Variants in NGEF observed in about 807,000 individuals in gnomAD.
NGEF encodes ephexin-1.
In NGEF, 31 loss-of-function variants were observed where a neutral mutation model predicts 80.9. The ratio of observed to expected loss-of-function variants is 0.38; its 90% CI spans 0.29 to 0.52. The LOEUF (loss-of-function observed/expected upper bound fraction) is 0.52. NGEF is among the 20% of genes least tolerant of loss of function. The pLI is 0.84. For missense variants in NGEF, 709 were observed against 926.2 expected (o/e 0.77, Z 3.04); for synonymous variants, 371 against 370.2 (o/e 1.00, Z -0.03).
chr2:232,890,423 T>G (rs1000730267), intron 8 of NGEF, among the ~76,000 whole-genome samples: 6 of 152,186 alleles, frequency 3.9e-5, no homozygotes, highest in Non-Finnish European at 8.8e-5. Flanking sequence ...CTCAGGCACC[T>G]TTCTCTCCTT....
intron 3 of NGEF, among the ~76,000 whole-genome samples, chr2:232,944,079 A>G (rs1251815766): frequency 6.6e-6 from 1 of 151,842 alleles, no homozygotes; most frequent in African/African-American, 2.4e-5. Context: ...CTAAAAGTAC[A>G]AAAATTAGCC....
intron 8 of NGEF, among the ~76,000 whole-genome samples, chr2:232,890,339 G>A (rs1691840758): frequency 6.6e-6 from 1 of 152,142 alleles, no homozygotes; most frequent in African/African-American, 2.4e-5. Flanking sequence ...AGTCTCCCAT[G>A]CCTCCAGCTC....
intron 1 of NGEF, among the ~76,000 whole-genome samples, chr2:232,993,238 A>AAATATATATATT (rs1694710768): frequency 2.6e-5 from 1 of 39,018 alleles, no homozygotes; most frequent in African/African-American, 1.3e-4. Flanking sequence ...ATATATATGT[A>AAATATATATATT]TATTTTCAGA....
chr2:232,896,714 GGGTGAGT>G (rs1366637319), intron 5 of NGEF, among the ~76,000 whole-genome samples: 10 of 55,342 alleles, frequency 1.8e-4, no homozygotes, highest in Admixed American at 3.9e-4. Context: ...GTGGGGGTAG[GGGTGAGT>G]GCAAAAGTAG....
At chr2:232,963,189 T>G (rs1693988373) in intron 3 of NGEF, among the ~76,000 whole-genome samples, 1 of 151,958 alleles carries the variant, frequency 6.6e-6, no homozygotes, top group African/African-American at 2.4e-5. Context: ...GGTAGTGGCA[T>G]AAAGATAGAA....
intron 1 of NGEF, among the ~76,000 whole-genome samples, chr2:233,000,673 T>C (rs1200292630): frequency 2.0e-5 from 3 of 149,498 alleles, no homozygotes; most frequent in African/African-American, 5.0e-5. Context: ...GGCAGGAGAA[T>C]GGCGTGAACC....
intron 14 of NGEF, 36 bp from the exon 15 acceptor site, chr2:232,879,715 C>T (rs1371452728): frequency 1.3e-6 from 2 of 1,588,784 alleles, no homozygotes; most frequent in South Asian, 2.2e-5. Flanking sequence ...GGTCAGTGCT[C>T]CTGCAGGGCA....
chr2:232,907,188 G>GAAAAAAAAAAAAAA (rs10654316), intron 5 of NGEF, among the ~76,000 whole-genome samples: 6 of 113,154 alleles, frequency 5.3e-5, no homozygotes, highest in Non-Finnish European at 6.9e-5. Context: ...AGAAAAAAAA[G>GAAAAAAAAAAAAAA]AAAAAAAAAA....
chr2:232,929,747 C>T (rs1203025024), intron 3 of NGEF, among the ~76,000 whole-genome samples: 1 of 152,212 alleles, frequency 6.6e-6, no homozygotes, highest in Non-Finnish European at 1.5e-5. Context: ...GCTGTCCTGG[C>T]TGCTATAACA....
At chr2:233,003,092 A>G (rs1206161896) in intron 1 of NGEF, among the ~76,000 whole-genome samples, 1 of 152,144 alleles carries the variant, frequency 6.6e-6, no homozygotes, top group Non-Finnish European at 1.5e-5. Flanking sequence ...AGTCCTTTTT[A>G]GCTGACACGT....
intron 4 of NGEF, among the ~76,000 whole-genome samples, chr2:232,924,569 A>C (rs1490728314): frequency 6.6e-6 from 1 of 152,206 alleles, no homozygotes; most frequent in East Asian, 1.9e-4. Flanking sequence ...ACTTGAAGAC[A>C]AACTGCCCTT....
chr2:232,929,909 G>C (rs182710497), intron 3 of NGEF, among the ~76,000 whole-genome samples: 1 of 152,256 alleles, frequency 6.6e-6, no homozygotes, highest in African/African-American at 2.4e-5. Context: ...TTGTTCTCCT[G>C]GTAGTGAATA....
chr2:232,956,096 G>C (rs10205922), intron 3 of NGEF, among the ~76,000 whole-genome samples: 7,445 of 152,132 alleles, frequency 0.049, 629 homozygotes, highest in African/African-American at 0.17. Context: ...TTCAGACGCC[G>C]CTCCTTTCCT....
chr2:232,982,358 G>T (rs1207366353), intron 1 of NGEF, among the ~76,000 whole-genome samples: 1 of 152,176 alleles, frequency 6.6e-6, no homozygotes, highest in African/African-American at 2.4e-5. Flanking sequence ...CTACCATCAA[G>T]GGGGCAGGAA....
In NGEF at chr2:232,967,569, A is replaced by T. The variant is rs377279370; in HGVS notation, c.383+2645T>A. ...AGGCTAGTCTTGAACTCCTGACCTC[A>T]TGTGATCCTCCTACCTCTTCCTCCC... On this transcript the variant is annotated intron_variant, in intron 3 of 14. Transcript: ENST00000264051. 2.6e-5 allele frequency among the ~76,000 whole-genome samples: 4 copies of T among 152,234 alleles called. No individual in the cohort carries two copies. In the East Asian group the frequency reaches 7.7e-4, roughly 29 times the overall value.
rs1691492672 is a variant in NGEF at position 232,881,214 on chromosome 2, G to C, written c.1874C>G (p.Ala625Gly). ...PQVQCVHPYV[A>G]QQPDELTLEL... ...CAGCGTCAGCTCGTCTGGCTGCTGA[G>C]CCACGTATGGGTGCACGCACTGGAC... Residue 625 changes from alanine (A) to glycine (G), a missense_variant, in exon 14 of 15, where the codon GCT becomes GGT. Physicochemically the swap from Ala to Gly is moderately conservative, Grantham distance 60. Around this residue, in one of 2 missense-constraint regions of NGEF, gnomAD observed 426 missense variants for 622.9 expected, o/e 0.68. Coordinates refer to ENST00000264051, the MANE Select transcript of NGEF (RefSeq NM_019850.3). 1 of 1,610,458 alleles carries C rather than the reference G, an allele frequency of 6.2e-7. No homozygotes were observed. The highest frequency in any genetic ancestry group is 2.2e-5 in the East Asian group (1 of 44,848).
At chr2:232,890,778 G>C (rs573902877) in intron 8 of NGEF, among the ~76,000 whole-genome samples, 1 of 152,186 alleles carries the variant, frequency 6.6e-6, no homozygotes, top group African/African-American at 2.4e-5. Flanking sequence ...GGAGCAGCCA[G>C]GGCCAGCTCC....
intron 3 of NGEF, among the ~76,000 whole-genome samples, chr2:232,955,430 C>T (rs949174691): frequency 4.6e-5 from 7 of 152,088 alleles, no homozygotes; most frequent in African/African-American, 1.2e-4. Context: ...GTAAAAAGAC[C>T]CAGTCTAGGA....
rs1232823648 is a variant in NGEF at position 232,892,051 on chromosome 2, C to T, written c.1143-564G>A. ...CTGTCACTCAGCCTCTGTGCTCACA[C>T]GGCCTGGCGGGGGCCACAGCGGCAG... On this transcript the variant is annotated intron_variant, in intron 7 of 14. Transcript: ENST00000264051. The surrounding 1 kb of genome is among the most constrained non-coding windows in gnomAD (Gnocchi z 4.0). Among the ~76,000 whole-genome samples, 1 of 151,970 alleles carries T rather than the reference C, an allele frequency of 6.6e-6. No individual in the cohort carries two copies. Among genetic ancestry groups the T allele is most frequent in the Admixed American group, 6.6e-5 (1 of 15,262 alleles).
Sources: allele counts gnomAD v4.1 joint callset (sites outside exome capture counted in the v4.1 genomes callset), GRCh38; gene constraint gnomAD v4.1.1; regional missense constraint gnomAD v4.1.1; non-coding constraint Gnocchi (gnomAD v3.1); transcripts MANE v1.5; gene names NCBI Gene and HGNC (gene_info 2026-07-23, HGNC 2026-07-21).